Variants in NIPBL observed in about 807,000 individuals in gnomAD.
NIPBL encodes the protein nipped-B-like protein.
NIPBL carries 19 observed loss-of-function variants against 321.8 expected under a neutral mutation model. The ratio of observed to expected loss-of-function variants is 0.06; its 90% confidence interval spans 0.04 to 0.09. The LOEUF (loss-of-function observed/expected upper bound fraction) is 0.09, where lower values mean the gene tolerates loss of function less well. Among genes scored for constraint, NIPBL ranks in the 10% least tolerant of loss-of-function variants. The pLI is 1.00. For synonymous variants in NIPBL, 1,106 were observed against 1,114.1 expected (o/e 0.99, Z 0.14); for missense variants, 2,210 against 3,327.0 (o/e 0.66, Z 8.26).
chr5:36,877,188 T>G lies in NIPBL; in HGVS notation c.-80+10T>G. 2 of 222,544 alleles carry G rather than the reference T, an allele frequency of 9.0e-6. No individual in the cohort carries two copies. The highest frequency in any genetic ancestry group is 8.7e-6 in the Non-Finnish European group (1 of 114,638). 13.8% of individuals were successfully genotyped at this position (222,544 alleles called of 1,614,324 possible). A position where few individuals can be genotyped will look rare whatever the true frequency, so the allele number is the denominator to read the frequency against. ...ACGCCGATTCGCCCAGGTAAATTCC[T>G]GCTCTTTATTTCGGCGGCGGCGGCG... On this transcript the variant is annotated intron_variant, in intron 1 of 46. Transcript: ENST00000282516.
At chr5:36,950,039 T>G (rs1740097374) in intron 1 of NIPBL, among the ~76,000 whole-genome samples, 1 of 152,020 alleles carries the variant, frequency 6.6e-6, no homozygotes. Flanking sequence ...TCTCAATGTA[T>G]TTTGTTCGAT....
At chr5:37,059,332 C>T (rs184154699) in intron 44 of NIPBL, among the ~76,000 whole-genome samples, 167 bp downstream of exon 44, 51 of 152,188 alleles carry the variant, frequency 3.4e-4, no homozygotes, top group Non-Finnish European at 5.0e-4. Flanking sequence ...CATGGTGAAA[C>T]GCCATCTCTA....
chr5:36,880,880 C>T (rs1006973633), intron 1 of NIPBL, among the ~76,000 whole-genome samples: 1 of 151,986 alleles, frequency 6.6e-6, no homozygotes, highest in Non-Finnish European at 1.5e-5. Context: ...ATACTTGACA[C>T]TTAAGAGACC....
At chr5:36,913,872 A>C (rs1341168283) in intron 1 of NIPBL, among the ~76,000 whole-genome samples, 1 of 152,162 alleles carries the variant, frequency 6.6e-6, no homozygotes, top group East Asian at 1.9e-4. Context: ...AGAATAAATT[A>C]TTTTCATAAT....
At chr5:36,975,244 G>T (rs540998458) in intron 8 of NIPBL, among the ~76,000 whole-genome samples, 1 of 152,044 alleles carries the variant, frequency 6.6e-6, no homozygotes, top group Non-Finnish European at 1.5e-5. Flanking sequence ...GTAAGTAAAG[G>T]CTCTAGTAAT....
intron 1 of NIPBL, among the ~76,000 whole-genome samples, chr5:36,920,675 C>T (rs1036914066): frequency 6.6e-5 from 10 of 152,232 alleles, no homozygotes; most frequent in African/African-American, 1.9e-4. Context: ...TTATAAATGT[C>T]TTTCAGCAAA....
At chr5:36,972,087 G>A (rs1481529337) in intron 8 of NIPBL, 46 bp downstream of exon 8, 27 of 1,277,382 alleles carry the variant, frequency 2.1e-5, no homozygotes, top group Non-Finnish European at 2.8e-5. Context: ...TATATTTGAA[G>A]TTGAATAAAG....
intron 10 of NIPBL, among the ~76,000 whole-genome samples, chr5:36,990,546 TAAA>T (rs1745382949): frequency 6.6e-6 from 1 of 152,188 alleles, no homozygotes; most frequent in Non-Finnish European, 1.5e-5. Flanking sequence ...ATACCTTTCT[TAAA>T]AACTCAAATT....
intron 1 of NIPBL, among the ~76,000 whole-genome samples, chr5:36,927,033 G>A (rs905489661): frequency 6.6e-6 from 1 of 152,100 alleles, no homozygotes; most frequent in East Asian, 1.9e-4. Context: ...TTTTGTTGAC[G>A]TTAGAACTAT....
At chr5:36,899,777 C>G (rs952805714) in intron 1 of NIPBL, among the ~76,000 whole-genome samples, 1 of 152,128 alleles carries the variant, frequency 6.6e-6, no homozygotes, top group African/African-American at 2.4e-5. Flanking sequence ...ACTCAAAAAT[C>G]AGTCCTGTAT....
At chr5:36,962,054 G>A in intron 5 of NIPBL, 69 bp from the exon 6 acceptor site, 6 of 1,564,160 alleles carry the variant, frequency 3.8e-6, no homozygotes, top group Non-Finnish European at 4.4e-6. Flanking sequence ...CTTTGTGACA[G>A]TCAGATTTCA....
chr5:36,994,588 C>G (rs1745920562), intron 10 of NIPBL, among the ~76,000 whole-genome samples: 1 of 152,056 alleles, frequency 6.6e-6, no homozygotes, highest in South Asian at 2.1e-4. Flanking sequence ...CTATAAACCA[C>G]AAAGGTACTC....
chr5:36,977,395 A>G (rs924152907), intron 9 of NIPBL, among the ~76,000 whole-genome samples: 1 of 151,948 alleles, frequency 6.6e-6, no homozygotes, highest in Non-Finnish European at 1.5e-5. Flanking sequence ...TTGTGTTTCT[A>G]TGCTAAGAAA....
Position 36,978,061 on chromosome 5 carries a change from A to G in NIPBL, c.1495+1659A>G, listed in dbSNP as rs181804470. On this transcript the variant is annotated intron_variant, in intron 9 of 46. Coordinates refer to ENST00000282516, the MANE Select transcript of NIPBL (RefSeq NM_133433.4). ...TTGCTATTGTAAATAGTGCTGTGAT[A>G]AACATATGAGTGCAGGTGTCTTTTT... Among the ~76,000 whole-genome samples, 27 of 152,128 alleles carry G rather than the reference A, an allele frequency of 1.8e-4. No homozygotes were observed. The East Asian group carries it at 4.6e-3, about 26-fold the overall frequency.
intron 9 of NIPBL, among the ~76,000 whole-genome samples, chr5:36,981,469 C>A (rs1309311407): frequency 2.0e-5 from 3 of 151,642 alleles, no homozygotes; most frequent in Admixed American, 2.0e-4. Flanking sequence ...CTTCTTTGAG[C>A]AGTTCTGTAT....
chr5:37,051,962 C>A, intron 41 of NIPBL, 76 bp downstream of exon 41: 1 of 1,008,268 alleles, frequency 9.9e-7, no homozygotes, highest in South Asian at 1.3e-5. Flanking sequence ...AAATGCTCTG[C>A]CCACATTCAT....
chr5:37,009,135 T>C (rs114356123), intron 20 of NIPBL, among the ~76,000 whole-genome samples: 3,411 of 152,170 alleles, frequency 0.022, 130 homozygotes, highest in African/African-American at 0.079. Context: ...TTCCTTAATA[T>C]GAACCACTAG....
intron 1 of NIPBL, among the ~76,000 whole-genome samples, chr5:36,886,653 C>G (rs1745930035): frequency 6.6e-6 from 1 of 151,792 alleles, no homozygotes; most frequent in African/African-American, 2.4e-5. Flanking sequence ...TACAGTAAAA[C>G]TCAGTCTTTT....
intron 34 of NIPBL, among the ~76,000 whole-genome samples, chr5:37,042,972 G>C (rs1478996676): frequency 6.6e-6 from 1 of 151,830 alleles, no homozygotes; most frequent in Non-Finnish European, 1.5e-5. Flanking sequence ...CTGGAGGATA[G>C]ATAGAAACAA....
Sources: allele counts gnomAD v4.1 joint callset (sites outside exome capture counted in the v4.1 genomes callset), GRCh38; gene constraint gnomAD v4.1.1; transcripts MANE v1.5; gene names NCBI Gene and HGNC (gene_info 2026-07-23, HGNC 2026-07-21).